ZAP70: variants seen among roughly 807,000 people sequenced by gnomAD.
ZAP70 encodes tyrosine-protein kinase ZAP-70.
In ZAP70, 27 loss-of-function variants were observed where a neutral mutation model predicts 65.8. The observed-to-expected ratio is 0.41, with a 90% CI of 0.30 to 0.57. The LOEUF is 0.57. ZAP70 is among the 20% of genes least tolerant of loss of function. ZAP70 has a pLI of 0.28. For synonymous variants in ZAP70, 363 were observed against 360.8 expected, an observed-to-expected ratio of 1.01 and a Z score of -0.07; for missense variants, 696 against 870.5, an observed-to-expected ratio of 0.80 and a Z score of 2.52.
At position 97,739,399 on chromosome 2, in the gene ZAP70, G is replaced by T. The variant is rs774549766; in HGVS notation, c.1761G>T (p.Leu587=). ...GGTGGGAGGATCGCCCCGACTTCCT[G>T]ACCGTGGAGCAGCGCATGCGAGCCT... ...IYKWEDRPDF[L]TVEQRMRACY... is the part of the protein sequence containing the mutation. The change falls in exon 14 of 14, where the codon CTG becomes CTT. Residue 587 remains leucine (L), a synonymous_variant. Coordinates refer to ENST00000264972, the MANE Select transcript of ZAP70 (RefSeq NM_001079.4). 5.6e-6 allele frequency: 9 copies of T among 1,613,582 alleles called. No homozygotes were observed. The South Asian group carries it at 9.9e-5, about 18-fold the overall frequency.
chr2:97,745,107 C>T, the ZAP70 span, among the ~76,000 whole-genome samples: 6 of 152,208 alleles, frequency 3.9e-5, no homozygotes, highest in South Asian at 2.1e-4. Context: ...GGTGCAATCT[C>T]GGCTCACTAC....
In ZAP70 at chr2:97,725,366, A is replaced by C. The variant is rs1014641746; in HGVS notation, c.563+114A>C. ...GGGCCGTAAGGGTGTCCCTGTGCTC[A>C]CATGTGCAAGTGGGTTGTGTGTTTC... On this transcript the variant is annotated intron_variant, in intron 4 of 13. Coordinates refer to ENST00000264972, the MANE Select transcript of ZAP70 (RefSeq NM_001079.4). The C allele has an allele frequency of 4.8e-5, 64 of 1,328,514 alleles. No individual in the cohort carries two copies. In the African/African-American group the frequency reaches 9.0e-4, roughly 19 times the overall value. 82.3% of individuals were successfully genotyped at this position (1,328,514 alleles called of 1,614,324 possible).
chr2:97,739,292 C>T (rs1678043890), intron 13 of ZAP70, 83 bp from the exon 14 acceptor site: 1 of 1,585,558 alleles, frequency 6.3e-7, no homozygotes, highest in East Asian at 2.3e-5. Context: ...CTACCTCAGC[C>T]AAGCACAGTG....
chr2:97,714,830 C>T (rs1436185365), intron 2 of ZAP70, among the ~76,000 whole-genome samples: 2 of 152,214 alleles, frequency 1.3e-5, no homozygotes, highest in African/African-American at 4.8e-5. Flanking sequence ...TTCCTCTTCA[C>T]ACCTGCCCTC....
chr2:97,724,528 G>A, intron 3 of ZAP70, 90 bp downstream of exon 3: 1 of 1,522,316 alleles, frequency 6.6e-7, no homozygotes, highest in Non-Finnish European at 8.8e-7. Flanking sequence ...GGAGGAAAAG[G>A]TCGTCTTCCC....
chr2:97,743,178 C>T (rs1269269647), downstream of ZAP70, among the ~76,000 whole-genome samples: 2 of 152,196 alleles, frequency 1.3e-5, no homozygotes, highest in African/African-American at 2.4e-5. Context: ...GTTCTGGCTC[C>T]GTGGCTGCCA....
intron 2 of ZAP70, among the ~76,000 whole-genome samples, chr2:97,721,867 A>C (rs1195250987): frequency 6.7e-6 from 1 of 148,838 alleles, no homozygotes; most frequent in Non-Finnish European, 1.5e-5. Flanking sequence ...GCTCACTGCA[A>C]CCTCCGCCTC....
downstream of ZAP70, among the ~76,000 whole-genome samples, chr2:97,743,295 G>A (rs1559332836): frequency 2.6e-5 from 4 of 152,036 alleles, no homozygotes; most frequent in African/African-American, 7.2e-5. Context: ...ATGAGCTCCT[G>A]GTTCTTTCTT....
chr2:97,733,387 G>A (rs924316720), intron 7 of ZAP70, 44 bp downstream of exon 7: 4 of 1,591,348 alleles, frequency 2.5e-6, no homozygotes, highest in South Asian at 2.3e-5. Flanking sequence ...GATGGAGCTG[G>A]GGAGTGGCTG....
intron 4 of ZAP70, among the ~76,000 whole-genome samples, chr2:97,729,993 G>A (rs895901467): frequency 6.6e-6 from 1 of 152,192 alleles, no homozygotes; most frequent in African/African-American, 2.4e-5. Flanking sequence ...TTGGGAAGCT[G>A]AGGCAGGCGG....
chr2:97,743,904 C>A (rs1306993425), downstream of ZAP70, among the ~76,000 whole-genome samples: 5 of 152,170 alleles, frequency 3.3e-5, no homozygotes, highest in Non-Finnish European at 7.3e-5. Context: ...TGGTACTAGC[C>A]TCCTAATGGG....
chr2:97,754,592 G>A, the ZAP70 span, among the ~76,000 whole-genome samples: 4 of 151,994 alleles, frequency 2.6e-5, no homozygotes, highest in Admixed American at 6.6e-5. Flanking sequence ...TAGTAGAGAC[G>A]GGATTTCACC....
At chr2:97,755,705 A>C in the ZAP70 span, among the ~76,000 whole-genome samples, 1 of 152,234 alleles carries the variant, frequency 6.6e-6, no homozygotes, top group South Asian at 2.1e-4. Flanking sequence ...AGGCTGCCCG[A>C]GTCCCTGCTG....
Position 97,728,141 on chromosome 2 carries a change from A to G in ZAP70, c.563+2889A>G, listed in dbSNP as rs141193762. ...TTTGTGTAACACAGCAGAGCTCATGACAGGCTTAGAGTCAACCAGTCTGCT... is the reference window on the plus strand; with the variant it reads ...TTTGTGTAACACAGCAGAGCTCATGGCAGGCTTAGAGTCAACCAGTCTGCT... On this transcript the variant is annotated intron_variant, in intron 4 of 13. Transcript: ENST00000264972. Among the ~76,000 whole-genome samples the G allele has an allele frequency of 2.9e-3, 448 of 152,352 alleles. 1 individual carries two copies. The highest frequency in any genetic ancestry group is 0.01 in the African/African-American group (431 of 41,580).
In ZAP70 at chr2:97,738,127, G is replaced by C. The variant is rs759959879; in HGVS notation, c.1736+20G>C. On this transcript the variant is annotated intron_variant, in intron 13 of 13. Coordinates refer to ENST00000264972, the MANE Select transcript of ZAP70 (RefSeq NM_001079.4). Reference sequence around the variant, plus strand: ...CTACAAGTGAGTGCCAGTGGGGAGGGGACCCGGCTGGGCTGACCCCTGGAA... The same window carrying C: ...CTACAAGTGAGTGCCAGTGGGGAGGCGACCCGGCTGGGCTGACCCCTGGAA... The C allele has an allele frequency of 1.9e-6, 3 of 1,572,900 alleles. No individual in the cohort carries two copies. Among genetic ancestry groups the C allele is most frequent in the Non-Finnish European group, 8.6e-7 (1 of 1,157,592 alleles).
intron 4 of ZAP70, among the ~76,000 whole-genome samples, chr2:97,727,251 C>T (rs1420062365): frequency 6.6e-6 from 1 of 152,238 alleles, no homozygotes; most frequent in Non-Finnish European, 1.5e-5. Context: ...GAGAGGAATG[C>T]AGGGAGCCAT....
chr2:97,716,446 A>C (rs1365768521), intron 2 of ZAP70, among the ~76,000 whole-genome samples: 1 of 152,196 alleles, frequency 6.6e-6, no homozygotes, highest in Non-Finnish European at 1.5e-5. Flanking sequence ...CAATAGATAC[A>C]ATATCATCTT....
chr2:97,723,870 C>G (rs1046154525), intron 2 of ZAP70, 146 bp from the exon 3 acceptor site: 1 of 882,218 alleles, frequency 1.1e-6, no homozygotes, highest in Non-Finnish European at 1.7e-6. Context: ...CAGGTTGACT[C>G]TGGCACAGAG....
At position 97,731,966 on chromosome 2, in the gene ZAP70, T is replaced by C. The variant is rs1677628189; in HGVS notation, c.564-917T>C. 6.6e-6 allele frequency among the ~76,000 whole-genome samples: 1 copy of C among 152,132 alleles called. No homozygotes were observed. The highest frequency in any genetic ancestry group is 1.5e-5 in the Non-Finnish European group (1 of 68,018). On this transcript the variant is annotated intron_variant, in intron 4 of 13. Transcript: ENST00000264972. The surrounding 1 kb of genome is among the most constrained non-coding windows in gnomAD (Gnocchi z 4.0). ...ACCCTGCAATAGAGGCTTGTGCCAG[T>C]GACCCCAGACAAAACTGTTGTGTGG...
Sources: allele counts gnomAD v4.1 joint callset (sites outside exome capture counted in the v4.1 genomes callset), GRCh38; gene constraint gnomAD v4.1.1; non-coding constraint Gnocchi (gnomAD v3.1); transcripts MANE v1.5; gene names NCBI Gene and HGNC (gene_info 2026-07-23, HGNC 2026-07-21).